The following SCMH1 variants were observed in gnomAD, a reference collection of about 807,000 sequenced individuals.
SCMH1 encodes the protein Scm polycomb group protein homolog 1, also known as polycomb protein SCMH1.
In SCMH1, 37 loss-of-function variants were observed where a neutral mutation model predicts 70.8. The observed-to-expected ratio is 0.52, with a 90% CI of 0.40 to 0.69. The LOEUF is 0.69. Ranked by LOEUF, SCMH1 falls within the 30% of genes least tolerant of loss-of-function variation. SCMH1 has a pLI of 0.00. For missense variants in SCMH1, 607 were observed against 827.3 expected (o/e 0.73, Z 3.27); for synonymous variants, 292 against 307.4 (o/e 0.95, Z 0.52).
chr1:41,133,121 A>G (rs542209908), intron 6 of SCMH1, among the ~76,000 whole-genome samples: 1 of 152,248 alleles, frequency 6.6e-6, no homozygotes, highest in Admixed American at 6.5e-5. Context: ...GAACCTATAA[A>G]TTACTTTGGG....
chr1:41,220,790 G>C (rs1357963995), intron 1 of SCMH1, among the ~76,000 whole-genome samples: 1 of 152,150 alleles, frequency 6.6e-6, no homozygotes, highest in Admixed American at 6.5e-5. Context: ...ATCTGAACAA[G>C]GTAAACTGGT....
intron 1 of SCMH1, among the ~76,000 whole-genome samples, chr1:41,238,586 C>T (rs1353742777): frequency 6.6e-6 from 1 of 152,178 alleles, no homozygotes; most frequent in Non-Finnish European, 1.5e-5. Flanking sequence ...ACATCTTTCT[C>T]TCTTCCCCAC....
At chr1:41,144,541 T>C (rs1463973735) in intron 5 of SCMH1, among the ~76,000 whole-genome samples, 1 of 152,192 alleles carries the variant, frequency 6.6e-6, no homozygotes, top group Non-Finnish European at 1.5e-5. Flanking sequence ...TTTTTGGCTA[T>C]TATGAATAAT....
intron 9 of SCMH1, among the ~76,000 whole-genome samples, chr1:41,073,123 T>TTAA (rs764306847): frequency 6.6e-6 from 1 of 152,168 alleles, no homozygotes; most frequent in Non-Finnish European, 1.5e-5. Context: ...TTTTGAATGA[T>TTAA]CTTAAAGGCC....
At chr1:41,033,700 G>T (rs1644869197) in intron 13 of SCMH1, among the ~76,000 whole-genome samples, 1 of 152,234 alleles carries the variant, frequency 6.6e-6, no homozygotes, top group Non-Finnish European at 1.5e-5. Context: ...GGTTAATGCA[G>T]TAAGAGAGGA....
intron 1 of SCMH1, among the ~76,000 whole-genome samples, chr1:41,210,304 C>T (rs943628001): frequency 3.9e-5 from 6 of 152,068 alleles, no homozygotes; most frequent in African/African-American, 9.7e-5. Flanking sequence ...ACAGATTCAA[C>T]GCCATCCCCA....
intron 9 of SCMH1, among the ~76,000 whole-genome samples, chr1:41,072,374 A>T (rs140331070): frequency 1.3e-5 from 2 of 152,346 alleles, no homozygotes; most frequent in East Asian, 3.9e-4. Context: ...CCTATTTGAG[A>T]TAGGTACATG....
chr1:41,108,484 A>C (rs1668540670), intron 8 of SCMH1, among the ~76,000 whole-genome samples: 1 of 152,216 alleles, frequency 6.6e-6, no homozygotes, highest in Non-Finnish European at 1.5e-5. Context: ...ACATTTAAAA[A>C]CTAAAGCATG....
intron 1 of SCMH1, among the ~76,000 whole-genome samples, chr1:41,198,237 T>C (rs1653498813): frequency 6.6e-6 from 1 of 152,194 alleles, no homozygotes; most frequent in African/African-American, 2.4e-5. Context: ...TGGCTCCAAC[T>C]GAATCCATAT....
At chr1:41,096,259 T>A (rs937707828) in intron 8 of SCMH1, among the ~76,000 whole-genome samples, 1 of 152,188 alleles carries the variant, frequency 6.6e-6, no homozygotes, top group Non-Finnish European at 1.5e-5. Flanking sequence ...TTAACCTTTT[T>A]AAAAAATAGA....
chr1:41,116,094 G>A (rs1287050510), intron 7 of SCMH1, among the ~76,000 whole-genome samples: 1 of 151,982 alleles, frequency 6.6e-6, no homozygotes, highest in East Asian at 1.9e-4. Context: ...CCACTGATCC[G>A]GAAGTTAAAC....
chr1:41,169,826 C>G (rs1646666373), intron 2 of SCMH1, among the ~76,000 whole-genome samples: 1 of 152,116 alleles, frequency 6.6e-6, no homozygotes, highest in Admixed American at 6.5e-5. Flanking sequence ...CTGCTTTTTT[C>G]CTGCAGAGGT....
chr1:41,035,836 C>G (rs897558858), intron 13 of SCMH1, among the ~76,000 whole-genome samples: 3 of 150,528 alleles, frequency 2.0e-5, no homozygotes, highest in Non-Finnish European at 4.5e-5. Flanking sequence ...TCTGCCTTCA[C>G]CCCTCCACCA....
rs868506426 is a variant in SCMH1, at chr1:41,179,649, C to T, written c.13+6472G>A. Among the ~76,000 whole-genome samples, 8 of 152,254 alleles carry T rather than the reference C, an allele frequency of 5.3e-5. No homozygotes were observed. In the South Asian group the frequency reaches 6.2e-4, roughly 12 times the overall value. On this transcript the variant is annotated intron_variant, in intron 2 of 14. Coordinates refer to ENST00000337495, the Ensembl canonical transcript of SCMH1. Reference sequence around the variant, plus strand: ...TAAATTCCTCGACACATACACCCTCCCAAGACTAAACCAGGAAGAAGTTGA... The same window carrying T: ...TAAATTCCTCGACACATACACCCTCTCAAGACTAAACCAGGAAGAAGTTGA...
In SCMH1 at chr1:41,079,032, GTAGT is replaced by G. The variant is rs1421810948; in HGVS notation, c.746-3585_746-3582del. ...GTTAAGAATTTTGCATTATTTGGGA[GTAGT>G]TAGAGCACTTATTTAAGGTAGATTT... is the stretch of plus-strand genomic sequence containing the variant. On this transcript the variant is annotated intron_variant, in intron 8 of 14. Transcript: ENST00000337495. Among the ~76,000 whole-genome samples the G allele has an allele frequency of 2.0e-5, 3 of 152,328 alleles. No individual in the cohort carries two copies. In the East Asian group the frequency reaches 5.8e-4, roughly 29 times the overall value.
chr1:41,035,139 A>G (rs1196006586), intron 13 of SCMH1, among the ~76,000 whole-genome samples: 1 of 152,118 alleles, frequency 6.6e-6, no homozygotes, highest in Non-Finnish European at 1.5e-5. Context: ...CCATTATATC[A>G]CAAAGTTCTT....
At chr1:41,127,132 T>C (rs1042107986) in intron 6 of SCMH1, among the ~76,000 whole-genome samples, 2 of 152,226 alleles carry the variant, frequency 1.3e-5, no homozygotes, top group African/African-American at 4.8e-5. Context: ...AATTTTCATA[T>C]GTCTGAGGAC....
At chr1:41,169,696 A>T (rs1272969968) in intron 2 of SCMH1, among the ~76,000 whole-genome samples, 1 of 152,226 alleles carries the variant, frequency 6.6e-6, no homozygotes, top group Non-Finnish European at 1.5e-5. Flanking sequence ...AGTAGTCACC[A>T]GAAGAGTATG....
chr1:41,147,137 T>C (rs563755989), intron 5 of SCMH1, among the ~76,000 whole-genome samples: 1 of 152,336 alleles, frequency 6.6e-6, no homozygotes, highest in East Asian at 1.9e-4. Context: ...ACTTTTATTT[T>C]GTATTTCCCT....
Sources: gnomAD v4.1 joint callset for allele counts (sites outside exome capture counted in the v4.1 genomes callset) on GRCh38, gnomAD v4.1.1 for gene constraint, MANE v1.5 for transcripts, NCBI Gene and HGNC (gene_info 2026-07-23, HGNC 2026-07-21) for gene names.